PKHD1: variants seen among roughly 807,000 people sequenced by gnomAD.
PKHD1 encodes PKHD1 ciliary IPT domain containing fibrocystin/polyductin.
Under a neutral mutation model 412.0 loss-of-function variants are expected in PKHD1, and 291 were observed. The observed-to-expected ratio is 0.71, with a 90% CI of 0.64 to 0.78. The LOEUF (loss-of-function observed/expected upper bound fraction) is 0.78, where lower values mean the gene tolerates loss of function less well. PKHD1 is among the 30% of genes least tolerant of loss of function. The pLI, the probability that PKHD1 is intolerant of heterozygous loss-of-function variation, is 0.00. For missense variants in PKHD1, 4,825 were observed against 4,950.7 expected, an observed-to-expected ratio of 0.97 and a Z score of 0.76; for synonymous variants, 1,777 against 1,821.5, an observed-to-expected ratio of 0.98 and a Z score of 0.62.
rs759614775 is a variant in PKHD1, at chr6:52,048,485, C to T, written c.2407+7G>A. ...GAGAATTGTTGCAACCCCAATCACC[C>T]CTTTACCAGAAATCACTGTATTAGG... is the stretch of plus-strand genomic sequence containing the variant. On this transcript the variant is annotated splice_region_variant and intron_variant, in intron 23 of 66. Coordinates refer to ENST00000371117, the MANE Select transcript of PKHD1 (RefSeq NM_138694.4). 2.5e-5 allele frequency: 41 copies of T among 1,613,816 alleles called. No individual in the cohort carries two copies. The South Asian group carries it at 4.0e-4, about 16-fold the overall frequency.
At chr6:51,702,708 A>C (rs1779590195) in intron 60 of PKHD1, among the ~76,000 whole-genome samples, 1 of 152,030 alleles carries the variant, frequency 6.6e-6, no homozygotes, top group African/African-American at 2.4e-5. Context: ...AGACAGAATG[A>C]GAACTATGAA....
intron 52 of PKHD1, among the ~76,000 whole-genome samples, chr6:51,827,513 A>G (rs1767510630): frequency 6.6e-6 from 1 of 152,164 alleles, no homozygotes; most frequent in Admixed American, 6.6e-5. Context: ...CCTAGTCGAC[A>G]GCTCATCCTA....
intron 34 of PKHD1, 77 bp downstream of exon 34, chr6:52,017,333 T>C (rs1028179054): frequency 7.5e-6 from 8 of 1,065,894 alleles, no homozygotes; most frequent in African/African-American, 3.1e-5. Context: ...CCACCCAGCC[T>C]ACACTCTCTG....
chr6:51,728,168 TTCTC>T (rs1277335274), intron 60 of PKHD1, among the ~76,000 whole-genome samples: 3 of 152,162 alleles, frequency 2.0e-5, no homozygotes, highest in Non-Finnish European at 2.9e-5. Context: ...ACCTCTGGAA[TTCTC>T]TCTCTAACAA....
intron 3 of PKHD1, 68 bp from the exon 4 acceptor site, chr6:52,082,610 G>C (rs551065710): frequency 1.0e-5 from 15 of 1,486,222 alleles, no homozygotes; most frequent in Admixed American, 3.4e-5. Flanking sequence ...GTGAAACTGT[G>C]CTAAGATCCT....
intron 36 of PKHD1, among the ~76,000 whole-genome samples, chr6:51,954,286 A>G (rs1229161203): frequency 6.6e-6 from 1 of 152,084 alleles, no homozygotes; most frequent in East Asian, 1.9e-4. Flanking sequence ...GCTAGCTCTC[A>G]TTGTTACTAT....
At chr6:51,791,190 A>C (rs976751069) in intron 53 of PKHD1, 46 bp downstream of exon 53, 43 of 1,597,514 alleles carry the variant, frequency 2.7e-5, no homozygotes, top group Non-Finnish European at 3.6e-5. Context: ...CCCTTCTCAC[A>C]GAATATAATT....
chr6:51,804,457 T>C (rs1226799363), intron 52 of PKHD1, among the ~76,000 whole-genome samples: 4 of 147,776 alleles, frequency 2.7e-5, no homozygotes. Flanking sequence ...TTATCAGCTA[T>C]TGTTTTCATA....
chr6:51,665,841 G>A (rs905033231), intron 60 of PKHD1, among the ~76,000 whole-genome samples: 1 of 152,160 alleles, frequency 6.6e-6, no homozygotes, highest in African/African-American at 2.4e-5. Context: ...AGGAAGAACA[G>A]GGTCCACAGC....
chr6:52,066,743 T>C lies in PKHD1; in HGVS notation c.779-666A>G, dbSNP rs6934914. On this transcript the variant is annotated intron_variant, in intron 11 of 66. Coordinates refer to ENST00000371117, the MANE Select transcript of PKHD1 (RefSeq NM_138694.4). ...GGTGAAACCCTGTCTCTTCTAAAAA[T>C]ACAAAAATTAGCCGGGTTCCGTGGT... 5.5e-3 allele frequency among the ~76,000 whole-genome samples: 831 copies of C among 152,022 alleles called. 7 individuals carry two copies. The highest frequency in any genetic ancestry group is 0.019 in the African/African-American group (788 of 41,488).
rs544363379 is a variant in PKHD1 at position 52,020,586 on chromosome 6, G to T, written c.5380+2215C>A. Among the ~76,000 whole-genome samples, 7 of 152,290 alleles carry T rather than the reference G, an allele frequency of 4.6e-5. No individual in the cohort carries two copies. In the South Asian group the frequency reaches 1.5e-3, roughly 32 times the overall value. The stretch of plus-strand genomic sequence containing the variant: ...GCCCTTGCAGCTACTGCTCTGGGAA[G>T]CACACTTCCAGAACTGCTGCCATAG... On this transcript the variant is annotated intron_variant, in intron 33 of 66. Coordinates refer to ENST00000371117, the MANE Select transcript of PKHD1 (RefSeq NM_138694.4).
chr6:51,945,152 T>A (rs1245737970), intron 36 of PKHD1, among the ~76,000 whole-genome samples: 1 of 152,188 alleles, frequency 6.6e-6, no homozygotes, highest in Non-Finnish European at 1.5e-5. Flanking sequence ...TTAACTAAAA[T>A]TTTTCCCTCA....
rs3062503 is a variant in PKHD1, at chr6:51,799,159, C to CCACA, written c.8303-7790_8303-7787dup. ...CCATAATAGATGGTCAAAATTAACA[C>CCACA]CACACACACACACACAAGCACACGT... is the stretch of plus-strand genomic sequence containing the variant. On this transcript the variant is annotated intron_variant, in intron 52 of 66. Coordinates refer to ENST00000371117, the MANE Select transcript of PKHD1 (RefSeq NM_138694.4). Among the ~76,000 whole-genome samples, 733 of 150,834 alleles carry CCACA rather than the reference C, an allele frequency of 4.9e-3. 10 individuals carry two copies. Among genetic ancestry groups the CCACA allele is most frequent in the African/African-American group, 3.4e-3 (141 of 41,186 alleles).
chr6:51,761,601 CA>C (rs201285478), intron 55 of PKHD1, among the ~76,000 whole-genome samples: 3,223 of 151,740 alleles, frequency 0.021, 117 homozygotes, highest in African/African-American at 0.074. Flanking sequence ...ATCCTTACCA[CA>C]AAAAAAGATA....
At chr6:52,053,953 G>C in intron 20 of PKHD1, 85 bp downstream of exon 20, 1 of 1,378,586 alleles carries the variant, frequency 7.3e-7, no homozygotes, top group Non-Finnish European at 1.0e-6. Flanking sequence ...AAGACCATTA[G>C]TGCCTGAGGT....
chr6:51,719,107 T>TATATC (rs1554205363), intron 60 of PKHD1, among the ~76,000 whole-genome samples: 4 of 151,436 alleles, frequency 2.6e-5, no homozygotes, highest in Non-Finnish European at 4.4e-5. Context: ...TTTAAGTGCA[T>TATATC]ATATAAATAT....
intron 35 of PKHD1, among the ~76,000 whole-genome samples, chr6:51,968,541 T>C (rs780742492): frequency 6.6e-6 from 1 of 152,204 alleles, no homozygotes; most frequent in Non-Finnish European, 1.5e-5. Flanking sequence ...TCTCCCTGTC[T>C]TCTTGTTGAC....
chr6:51,784,144 C>A (rs1792486219), intron 53 of PKHD1, among the ~76,000 whole-genome samples: 1 of 152,144 alleles, frequency 6.6e-6, no homozygotes, highest in Non-Finnish European at 1.5e-5. Context: ...CTATTCATAT[C>A]ATTACCGAAT....
chr6:51,616,801 T>A lies in PKHD1; in HGVS notation c.*2280A>T. 2.5e-6 allele frequency: 1 copy of A among 397,086 alleles called. No homozygotes were observed. The highest frequency in any genetic ancestry group is 4.4e-6 in the Non-Finnish European group (1 of 225,168). 24.6% of individuals were successfully genotyped at this position (397,086 alleles called of 1,614,324 possible). ...GGTCTTGTGACACATAGAGGATAAA[T>A]AAGAAGATAATAAAAATTGGAAGAA... On this transcript the variant is annotated 3_prime_UTR_variant, in exon 67 of 67. Coordinates refer to ENST00000371117, the MANE Select transcript of PKHD1 (RefSeq NM_138694.4).
Sources: allele counts gnomAD v4.1 joint callset (sites outside exome capture counted in the v4.1 genomes callset), GRCh38; gene constraint gnomAD v4.1.1; transcripts MANE v1.5; gene names NCBI Gene and HGNC (gene_info 2026-07-23, HGNC 2026-07-21).